Variants in RALYL observed in about 807,000 individuals in gnomAD.
RALYL encodes RALY RNA binding protein like.
Under a neutral mutation model 35.1 loss-of-function variants are expected in RALYL, and 29 were observed. That is an observed-to-expected ratio of 0.83 (90% confidence interval 0.61 to 1.13). The LOEUF (loss-of-function observed/expected upper bound fraction) is 1.13, where lower values mean the gene tolerates loss of function less well. RALYL is among the 50% of genes most tolerant of loss of function. The pLI, the probability that RALYL is intolerant of heterozygous loss-of-function variation, is 0.00. For missense variants in RALYL, 359 were observed against 360.4 expected, an observed-to-expected ratio of 1.00 and a Z score of 0.03; for synonymous variants, 120 against 127.6, an observed-to-expected ratio of 0.94 and a Z score of 0.40.
chr8:84,714,677 C>A (rs1025004026), intron 2 of RALYL, among the ~76,000 whole-genome samples: 1 of 151,798 alleles, frequency 6.6e-6, no homozygotes, highest in Non-Finnish European at 1.5e-5. Context: ...TCTTAAAAAC[C>A]ATGATCTGTC....
intron 1 of RALYL, among the ~76,000 whole-genome samples, chr8:84,433,269 T>A (rs949041869): frequency 6.6e-6 from 1 of 152,158 alleles, no homozygotes; most frequent in African/African-American, 2.4e-5. Context: ...CACTCCAAAC[T>A]TAGCATTCAT....
chr8:84,545,799 A>G (rs2060316138), intron 2 of RALYL, among the ~76,000 whole-genome samples: 1 of 152,246 alleles, frequency 6.6e-6, no homozygotes, highest in South Asian at 2.1e-4. Flanking sequence ...ATACTTTACA[A>G]GTTGTCTCTT....
At chr8:84,470,575 C>T (rs770021841) in intron 1 of RALYL, among the ~76,000 whole-genome samples, 1 of 151,910 alleles carries the variant, frequency 6.6e-6, no homozygotes, top group African/African-American at 2.4e-5. Flanking sequence ...TGAAATCTTG[C>T]TGGCAATTTG....
intron 1 of RALYL, among the ~76,000 whole-genome samples, chr8:84,267,939 G>C (rs985518413): frequency 7.2e-5 from 11 of 152,122 alleles, no homozygotes; most frequent in African/African-American, 2.4e-4. Flanking sequence ...GGCAGTCTAG[G>C]CTACCCTATC....
chr8:84,571,500 C>CT (rs1228432542), intron 2 of RALYL, among the ~76,000 whole-genome samples: 3 of 151,458 alleles, frequency 2.0e-5, no homozygotes, highest in Non-Finnish European at 3.0e-5. Flanking sequence ...TTTGAATCTC[C>CT]TTTTTTCTTG....
At chr8:84,519,054 C>G (rs1358660544) in intron 1 of RALYL, among the ~76,000 whole-genome samples, 1 of 152,158 alleles carries the variant, frequency 6.6e-6, no homozygotes, top group Non-Finnish European at 1.5e-5. Flanking sequence ...TCTTCTTATT[C>G]TTTCTACATT....
intron 2 of RALYL, among the ~76,000 whole-genome samples, chr8:84,703,653 A>G (rs186819777): frequency 6.6e-6 from 1 of 152,316 alleles, no homozygotes; most frequent in East Asian, 1.9e-4. Flanking sequence ...TAATGCTAAT[A>G]TCAATGACAT....
At chr8:84,913,049 T>C (rs938715267) in intron 8 of RALYL, among the ~76,000 whole-genome samples, 1 of 149,860 alleles carries the variant, frequency 6.7e-6, no homozygotes, top group African/African-American at 2.5e-5. Flanking sequence ...GGTAGATAGA[T>C]AGATAGATAG....
chr8:84,302,048 T>C (rs966579357), intron 1 of RALYL, among the ~76,000 whole-genome samples: 1 of 152,158 alleles, frequency 6.6e-6, no homozygotes, highest in Non-Finnish European at 1.5e-5. Flanking sequence ...CATTTAGCCT[T>C]TTGGAGTATT....
At chr8:84,872,196 C>T (rs1025745595) in intron 6 of RALYL, among the ~76,000 whole-genome samples, 11 of 152,140 alleles carry the variant, frequency 7.2e-5, no homozygotes, top group African/African-American at 2.4e-4. Context: ...GCTTTAAAAT[C>T]TTTCATCTCT....
chr8:84,470,549 A>C (rs976618608), intron 1 of RALYL, among the ~76,000 whole-genome samples: 1 of 152,112 alleles, frequency 6.6e-6, no homozygotes, highest in African/African-American at 2.4e-5. Context: ...GCACTCTTCA[A>C]ATTTTAGTAG....
At chr8:84,428,862 G>A (rs778028088) in intron 1 of RALYL, among the ~76,000 whole-genome samples, 3 of 152,112 alleles carry the variant, frequency 2.0e-5, no homozygotes, top group African/African-American at 2.4e-5. Flanking sequence ...TGTGAGTTAT[G>A]TCTATTAATA....
intron 1 of RALYL, among the ~76,000 whole-genome samples, chr8:84,374,142 G>A (rs973852762): frequency 2.6e-5 from 4 of 151,986 alleles, no homozygotes; most frequent in Non-Finnish European, 5.9e-5. Flanking sequence ...ATAGGAACAT[G>A]TCATCTGCAA....
chr8:84,614,636 A>AT (rs1819030737), intron 2 of RALYL, among the ~76,000 whole-genome samples: 1 of 151,562 alleles, frequency 6.6e-6, no homozygotes, highest in Non-Finnish European at 1.5e-5. Context: ...TTTTTGCCCT[A>AT]TTTTTAATGG....
chr8:84,297,910 T>C (rs1030016074), intron 1 of RALYL, among the ~76,000 whole-genome samples: 3 of 151,728 alleles, frequency 2.0e-5, no homozygotes, highest in African/African-American at 7.2e-5. Context: ...TTTAACTGTT[T>C]AAGTTCCTTA....
At chr8:84,276,660 G>C (rs1406388266) in intron 1 of RALYL, among the ~76,000 whole-genome samples, 2 of 152,160 alleles carry the variant, frequency 1.3e-5, no homozygotes, top group Non-Finnish European at 2.9e-5. Context: ...GCAGATAACA[G>C]TGAGATGAAA....
chr8:84,790,831 C>T lies in RALYL; in HGVS notation c.333-13939C>T, dbSNP rs1044735959. ...GGATTGGTTACAGCTTCACATCTGC[C>T]TTATTTGAACATGGTTTGAACAGTT... On this transcript the variant is annotated intron_variant, in intron 3 of 8. Transcript: ENST00000521268. Among the ~76,000 whole-genome samples, 3 of 152,140 alleles carry T rather than the reference C, an allele frequency of 2.0e-5. No individual in the cohort carries two copies. The South Asian group carries it at 6.2e-4, about 32-fold the overall frequency.
At chr8:84,191,331 G>A (rs1403319810) in intron 1 of RALYL, among the ~76,000 whole-genome samples, 1 of 152,080 alleles carries the variant, frequency 6.6e-6, no homozygotes, top group African/African-American at 2.4e-5. Flanking sequence ...TGAGAAAGAA[G>A]AGAGGGCTAA....
At chr8:84,780,078 A>T (rs1817733521) in intron 3 of RALYL, among the ~76,000 whole-genome samples, 1 of 152,204 alleles carries the variant, frequency 6.6e-6, no homozygotes, top group Non-Finnish European at 1.5e-5. Context: ...CAAGGATAAC[A>T]CACATTCCCT....
Sources: gnomAD v4.1 joint callset for allele counts (sites outside exome capture counted in the v4.1 genomes callset) on GRCh38, gnomAD v4.1.1 for gene constraint, MANE v1.5 for transcripts, NCBI Gene and HGNC (gene_info 2026-07-23, HGNC 2026-07-21) for gene names.